Variants in MEF2C observed in about 807,000 individuals in gnomAD.
The protein encoded by MEF2C is myocyte-specific enhancer factor 2C.
In MEF2C, 6 loss-of-function variants were observed where a neutral mutation model predicts 50.5. That is an observed-to-expected ratio of 0.12 (90% confidence interval 0.07 to 0.23). MEF2C has a LOEUF of 0.23. Ranked by LOEUF, MEF2C falls within the 10% of genes least tolerant of loss-of-function variation. The pLI, the probability that MEF2C is intolerant of heterozygous loss-of-function variation, is 1.00. For missense variants in MEF2C, 276 were observed against 605.0 expected, an observed-to-expected ratio of 0.46 and a Z score of 5.70; for synonymous variants, 183 against 228.0, an observed-to-expected ratio of 0.80 and a Z score of 1.78.
At chr5:88,869,316 C>CACATATATATATATAT (rs1828769728) in intron 1 of MEF2C, among the ~76,000 whole-genome samples, 1 of 85,466 alleles carries the variant, frequency 1.2e-5, no homozygotes, top group Non-Finnish European at 2.3e-5. Flanking sequence ...TATATATATA[C>CACATATATATATATAT]ACATATAGCT....
At chr5:88,723,171 C>A (rs952177432) in intron 10 of MEF2C, among the ~76,000 whole-genome samples, 1 of 152,160 alleles carries the variant, frequency 6.6e-6, no homozygotes, top group Admixed American at 6.5e-5. Context: ...TATCTCTAGT[C>A]TCCGAGAGGC....
At chr5:88,733,773 C>T (rs941160746) in intron 6 of MEF2C, 1 of 985,156 alleles carries the variant, frequency 1.0e-6, no homozygotes, top group South Asian at 4.7e-5. Flanking sequence ...TATCCCAGTT[C>T]CTGGGGCAAA....
chr5:88,761,599 C>T (rs1472978515), intron 3 of MEF2C: 4 of 341,246 alleles, frequency 1.2e-5, no homozygotes, highest in East Asian at 5.3e-5. Context: ...AGAATTCTTA[C>T]GTGCTTCAAA....
At chr5:88,843,296 T>TA in intron 1 of MEF2C, 3 of 977,800 alleles carry the variant, frequency 3.1e-6, no homozygotes, top group Non-Finnish European at 3.6e-6. Flanking sequence ...GTGAGATGGA[T>TA]AGACATGTTA....
Position 88,771,436 on chromosome 5 carries a change from C to T in MEF2C, c.259-10108G>A, listed in dbSNP as rs533453810. The T allele has an allele frequency of 2.5e-5, 25 of 985,402 alleles. No homozygotes were observed. The African/African-American group carries it at 4.2e-4, about 16-fold the overall frequency. 61.0% of individuals were successfully genotyped at this position (985,402 alleles called of 1,614,324 possible). On this transcript the variant is annotated intron_variant, in intron 3 of 10. Transcript: ENST00000504921. ...CTCACTTACTTGGTGAAGCTTTTTC[C>T]TAACGCTTGTAGAAGGCACTCAGGA...
chr5:88,840,636 T>C (rs369692930), intron 1 of MEF2C, among the ~76,000 whole-genome samples: 1 of 152,214 alleles, frequency 6.6e-6, no homozygotes, highest in Admixed American at 6.5e-5. Context: ...GAGTTTGTTT[T>C]TTTTTCTCCT....
At chr5:88,866,087 G>A (rs910279210) in intron 1 of MEF2C, among the ~76,000 whole-genome samples, 6 of 151,972 alleles carry the variant, frequency 3.9e-5, no homozygotes, top group African/African-American at 1.5e-4. Context: ...TAGTAGAGAC[G>A]GGGTTTCACC....
rs185174435 is a variant in MEF2C, at chr5:88,833,859, C to G, written c.-142-9929G>C. ...GGCAAGGGAGAACTGGGTACTGTGG[C>G]ACTATTTACTATTCCTTACTTAGTT... On this transcript the variant is annotated intron_variant, in intron 1 of 10. Transcript: ENST00000504921. Among the ~76,000 whole-genome samples the G allele has an allele frequency of 4.6e-5, 7 of 152,192 alleles. No homozygotes were observed. The East Asian group carries it at 1.4e-3, about 29-fold the overall frequency.
At chr5:88,788,577 G>C (rs899899209) in intron 3 of MEF2C, among the ~76,000 whole-genome samples, 1 of 152,030 alleles carries the variant, frequency 6.6e-6, no homozygotes, top group Non-Finnish European at 1.5e-5. Context: ...TCCAACAGAG[G>C]GTTTCTTTCA....
At chr5:88,737,548 C>T (rs2152370001) in intron 6 of MEF2C, 1 of 985,358 alleles carries the variant, frequency 1.0e-6, no homozygotes, top group Non-Finnish European at 1.2e-6. Context: ...AATCTCAATA[C>T]TAATTTACTC....
chr5:88,873,293 C>A (rs1340720945), intron 1 of MEF2C, among the ~76,000 whole-genome samples: 1 of 152,072 alleles, frequency 6.6e-6, no homozygotes, highest in Non-Finnish European at 1.5e-5. Flanking sequence ...GCAGTTGTTT[C>A]AAGACATGGC....
intron 5 of MEF2C, among the ~76,000 whole-genome samples, chr5:88,750,738 C>T (rs960468076): frequency 6.6e-6 from 1 of 152,094 alleles, no homozygotes; most frequent in Non-Finnish European, 1.5e-5. Context: ...ATTTCCCAGA[C>T]TCAAGATTAA....
At chr5:88,863,251 A>C (rs1387523828) in intron 1 of MEF2C, among the ~76,000 whole-genome samples, 1 of 152,246 alleles carries the variant, frequency 6.6e-6, no homozygotes, top group African/African-American at 2.4e-5. Context: ...TGCATATTCA[A>C]CTCCCTCATC....
At chr5:88,759,853 G>A (rs1034403785) in intron 4 of MEF2C, among the ~76,000 whole-genome samples, 3 of 152,230 alleles carry the variant, frequency 2.0e-5, no homozygotes, top group Admixed American at 2.0e-4. Flanking sequence ...GTTTTAAAGT[G>A]TTCAATTTAA....
chr5:88,815,608 T>C (rs1804958918), intron 2 of MEF2C, among the ~76,000 whole-genome samples: 1 of 152,134 alleles, frequency 6.6e-6, no homozygotes, highest in Admixed American at 6.6e-5. Context: ...TGTCATTTAC[T>C]TAATTTTTTA....
intron 1 of MEF2C, among the ~76,000 whole-genome samples, chr5:88,891,128 T>C (rs1357445065): frequency 6.6e-6 from 1 of 152,190 alleles, no homozygotes; most frequent in Non-Finnish European, 1.5e-5. Flanking sequence ...GTATTATTGG[T>C]AGTGTCATAG....
chr5:88,782,303 A>C (rs1788482020), intron 3 of MEF2C: 1 of 339,048 alleles, frequency 2.9e-6, no homozygotes, highest in Admixed American at 6.5e-5. Flanking sequence ...CTGTCTCTAC[A>C]AAAAATACAA....
chr5:88,782,072 C>T (rs1788384619), intron 3 of MEF2C: 2 of 892,786 alleles, frequency 2.2e-6, no homozygotes, highest in African/African-American at 1.8e-5. Context: ...TAGCGAGACT[C>T]TGTCTAAAAA....
chr5:88,779,121 C>T (rs1049856031), intron 3 of MEF2C, among the ~76,000 whole-genome samples: 2 of 152,180 alleles, frequency 1.3e-5, no homozygotes, highest in African/African-American at 4.8e-5. Flanking sequence ...TTTTCACATG[C>T]GCTTAAAGTC....
Sources: allele counts gnomAD v4.1 joint callset (sites outside exome capture counted in the v4.1 genomes callset), GRCh38; gene constraint gnomAD v4.1.1; transcripts MANE v1.5; gene names NCBI Gene and HGNC (gene_info 2026-07-23, HGNC 2026-07-21).